The following ERMARD variants were observed in gnomAD, a reference collection of about 807,000 sequenced individuals.
ERMARD encodes the protein endoplasmic reticulum membrane-associated RNA degradation protein.
ERMARD carries 71 observed loss-of-function variants against 83.9 expected under a neutral mutation model. The observed-to-expected ratio is 0.85, with a 90% CI of 0.70 to 1.03. ERMARD has a LOEUF of 1.03. Among genes scored for constraint, ERMARD ranks in the 50% least tolerant of loss-of-function variants. ERMARD has a pLI of 0.00. For missense variants in ERMARD, 838 were observed against 810.9 expected, an observed-to-expected ratio of 1.03 and a Z score of -0.41; for synonymous variants, 284 against 298.6, an observed-to-expected ratio of 0.95 and a Z score of 0.50.
chr6:169,777,236 G>A (rs561691579), intron 16 of ERMARD, among the ~76,000 whole-genome samples: 1 of 152,318 alleles, frequency 6.6e-6, no homozygotes, highest in South Asian at 2.1e-4. Context: ...TTTGTCTCAG[G>A]TGAGCTGGGG....
chr6:169,777,604 C>A (rs1407451373), intron 16 of ERMARD, among the ~76,000 whole-genome samples: 2 of 152,092 alleles, frequency 1.3e-5, no homozygotes, highest in African/African-American at 2.4e-5. Context: ...AAAACACTTA[C>A]AATGTTAAAC....
At chr6:169,751,317 C>T, upstream of ERMARD, 4 of 1,609,806 alleles carry the variant, frequency 2.5e-6, no homozygotes, top group Non-Finnish European at 3.4e-6. Context: ...CGTCTCGGGC[C>T]CCTAGCAGTC....
chr6:169,751,616 GC>G (rs753823333), upstream of ERMARD: 1 of 1,582,192 alleles, frequency 6.3e-7, no homozygotes, highest in Non-Finnish European at 8.6e-7. Flanking sequence ...GCGCGCAGGC[GC>G]CTGCGTCATT....
chr6:169,774,912 T>C (rs1168032345), intron 13 of ERMARD, among the ~76,000 whole-genome samples: 2 of 152,230 alleles, frequency 1.3e-5, no homozygotes, highest in Non-Finnish European at 2.9e-5. Context: ...ACCTCTGACA[T>C]GGCTTTGGAT....
At chr6:169,756,839 T>C in intron 5 of ERMARD, 31 bp downstream of exon 5, 1 of 1,585,512 alleles carries the variant, frequency 6.3e-7, no homozygotes. Flanking sequence ...TCATGGAGTA[T>C]ATTAGTCCGT....
In ERMARD at chr6:169,756,369, G is replaced by C. The variant is rs556131065; in HGVS notation, c.347G>C (p.Ser116Thr). ...LFPEIFDALESLQSPAISLSL... is the reference protein window; with the variant it reads ...LFPEIFDALETLQSPAISLSL... ...CCTGAAATATTTGATGCCTTGGAAA[G>C]TCTACAATCTCCTGCTATTTCTCTT... Residue 116 changes from serine (S) to threonine (T), a missense_variant, in exon 4 of 18, where the codon AGT becomes ACT. Physicochemically the swap from Ser to Thr is moderately conservative, Grantham distance 58. Transcript: ENST00000366773. The C allele has an allele frequency of 5.6e-6, 9 of 1,611,230 alleles. No individual in the cohort carries two copies. The highest frequency in any genetic ancestry group is 7.6e-6 in the Non-Finnish European group (9 of 1,178,834).
At chr6:169,774,160 C>T (rs964745222) in intron 13 of ERMARD, among the ~76,000 whole-genome samples, 10 of 152,124 alleles carry the variant, frequency 6.6e-5, no homozygotes, top group African/African-American at 2.4e-4. Flanking sequence ...ACAGTGAAAC[C>T]CCATCTCTAC....
In ERMARD at chr6:169,781,452, G is replaced by C; in HGVS notation, c.1976G>C (p.Ser659Thr). Residue 659 changes from serine (S) to threonine (T), a missense_variant, in exon 18 of 18, where the codon AGT becomes ACT. Physicochemically the swap from Ser to Thr is moderately conservative, Grantham distance 58. Coordinates refer to ENST00000366773, the MANE Select transcript of ERMARD (RefSeq NM_018341.3). The stretch of plus-strand genomic sequence containing the variant: ...GCTTTGTTGAAAATGTGGACTTTTA[G>C]TGAGAAGAAACAAATGTTAATACAT... The part of the protein sequence containing the change: ...HTALLKMWTF[S>T]EKKQMLIHLA... 6.2e-7 allele frequency: 1 copy of C among 1,611,698 alleles called. No homozygotes were observed. The highest frequency in any genetic ancestry group is 8.5e-7 in the Non-Finnish European group (1 of 1,179,184).
chr6:169,764,132 G>A (rs1231737633), intron 9 of ERMARD, among the ~76,000 whole-genome samples: 1 of 152,142 alleles, frequency 6.6e-6, no homozygotes, highest in Non-Finnish European at 1.5e-5. Context: ...AGCTGACCTT[G>A]TGCTCTTCCT....
At chr6:169,754,617 G>T (rs1790563540) in intron 2 of ERMARD, among the ~76,000 whole-genome samples, 1 of 152,074 alleles carries the variant, frequency 6.6e-6, no homozygotes, top group South Asian at 2.1e-4. Context: ...TAGGGGATTG[G>T]TTCAGTAAAT....
Position 169,769,562 on chromosome 6 carries a change from A to C in ERMARD, c.1082A>C (p.Asn361Thr). The change falls in exon 12 of 18, where the codon AAC (asparagine) becomes ACC (threonine). Residue 361 changes from asparagine to threonine, a missense_variant. Transcript: ENST00000366773. The part of the protein sequence containing the change: ...PAMEFLWDFL[N>T]HQEGPRIRDH... ...AAGGAATTTCTCTGGGATTTCCTGA[A>C]CCATCAGGAGGGTCCCCGCATAAGA... The C allele has an allele frequency of 6.3e-7, 1 of 1,593,460 alleles. No homozygotes were observed. The highest frequency in any genetic ancestry group is 8.5e-7 in the Non-Finnish European group (1 of 1,173,194).
Position 169,767,796 on chromosome 6 carries a change from TA to T in ERMARD, c.991-304del, listed in dbSNP as rs1382953657. The T allele has an allele frequency of 4.3e-5, 16 of 371,676 alleles. No homozygotes were observed. In the East Asian group the frequency reaches 8.4e-4, roughly 20 times the overall value. The allele number at this position is 371,676 out of a possible 1,614,324, so 23.0% of individuals were successfully genotyped here. A position where few individuals can be genotyped will look rare whatever the true frequency, so the allele number is the denominator to read the frequency against. On this transcript the variant is annotated intron_variant, in intron 10 of 17. Transcript: ENST00000366773. ...ACACACACACAGGCACAGTTGCATATAAACACACAAATGTACACACCCCCAC... is the reference window on the plus strand; with the variant it reads ...ACACACACACAGGCACAGTTGCATATAACACACAAATGTACACACCCCCAC...
chr6:169,770,392 C>G (rs541991628), intron 12 of ERMARD: 1 of 152,068 alleles, frequency 6.6e-6, no homozygotes, highest in South Asian at 2.1e-4. Flanking sequence ...CATTTTTGTT[C>G]TGCCTTATTC....
In ERMARD at chr6:169,760,741, A is replaced by G. The variant is rs751418596; in HGVS notation, c.842A>G (p.Lys281Arg). Residue 281 changes from lysine to arginine, a missense_variant, in exon 8 of 18, where the codon AAG becomes AGG. Physicochemically the swap from Lys to Arg is conservative, Grantham distance 26. Coordinates refer to ENST00000366773, the MANE Select transcript of ERMARD (RefSeq NM_018341.3). ...MLPYWEVALV[K>R]FKSHRFADCA... Reference sequence around the variant, plus strand: ...CCATATTGGGAAGTTGCACTGGTCAAGTTCAAGTCACACAGGTAACTAAAG... The same window carrying G: ...CCATATTGGGAAGTTGCACTGGTCAGGTTCAAGTCACACAGGTAACTAAAG... 6.2e-6 allele frequency: 10 copies of G among 1,613,288 alleles called. No homozygotes were observed. In the Admixed American group the frequency reaches 6.7e-5, roughly 11 times the overall value.
intron 9 of ERMARD, among the ~76,000 whole-genome samples, chr6:169,764,671 T>G (rs1165719655): frequency 1.3e-5 from 2 of 152,234 alleles, no homozygotes; most frequent in Non-Finnish European, 2.9e-5. Context: ...CAGATGGAGT[T>G]CATCCTCTTC....
At chr6:169,751,426 G>GCTCGACTTCACGCCTCGGC, upstream of ERMARD, 1 of 1,614,134 alleles carries the variant, frequency 6.2e-7, no homozygotes, top group Admixed American at 1.7e-5. Flanking sequence ...TCTGGATGGG[G>GCTCGACTTCACGCCTCGGC]CTCGACTTCA....
chr6:169,769,764 A>G (rs780690354), intron 12 of ERMARD, 51 bp downstream of exon 12: 69 of 1,461,874 alleles, frequency 4.7e-5, no homozygotes, highest in South Asian at 1.4e-5. Context: ...TTCAGCTATG[A>G]AAATATAGTT....
intron 9 of ERMARD, among the ~76,000 whole-genome samples, chr6:169,763,747 G>A (rs942131752): frequency 6.6e-6 from 1 of 152,152 alleles, no homozygotes; most frequent in Non-Finnish European, 1.5e-5. Context: ...TTCATCTCTG[G>A]GGGAACAACA....
At chr6:169,776,702 G>C in intron 16 of ERMARD, 29 bp downstream of exon 16, 1 of 1,609,154 alleles carries the variant, frequency 6.2e-7, no homozygotes, top group Non-Finnish European at 8.5e-7. Flanking sequence ...GTTTTGGAGG[G>C]GCACTGTGGG....
Sources: gnomAD v4.1 joint callset for allele counts (sites outside exome capture counted in the v4.1 genomes callset) on GRCh38, gnomAD v4.1.1 for gene constraint, MANE v1.5 for transcripts, NCBI Gene and HGNC (gene_info 2026-07-23, HGNC 2026-07-21) for gene names.